The following CGGBP1 variants were observed in gnomAD, a reference collection of about 807,000 sequenced individuals.
CGGBP1 encodes the protein CGG triplet repeat binding protein 1, also known as CGG triplet repeat-binding protein 1.
In CGGBP1, 4 loss-of-function variants were observed where a neutral mutation model predicts 11.4. That is an observed-to-expected ratio of 0.35 (90% CI 0.17 to 0.80). The LOEUF is 0.80. Ranked by LOEUF, CGGBP1 falls within the 30% of genes least tolerant of loss-of-function variation. CGGBP1 has a pLI of 0.52. For missense variants in CGGBP1, 135 were observed against 202.1 expected (o/e 0.67, Z 2.01); for synonymous variants, 76 against 74.1 (o/e 1.03, Z -0.13).
chr3:88,141,671 ATC>A (rs771666001), intron 1 of CGGBP1: 1 of 1,502,124 alleles, frequency 6.7e-7, no homozygotes, highest in Non-Finnish European at 9.0e-7. Context: ...GTTCAGAAAG[ATC>A]TGTCAATCAA....
intron 2 of CGGBP1, among the ~76,000 whole-genome samples, chr3:88,099,783 G>A (rs544516355): frequency 6.6e-4 from 100 of 152,304 alleles, no homozygotes; most frequent in African/African-American, 2.3e-3. Flanking sequence ...GTAGAAAGCT[G>A]AAAATGGGTC....
chr3:88,137,892 G>GATATATAT (rs1338465918), intron 2 of CGGBP1, among the ~76,000 whole-genome samples: 10 of 151,712 alleles, frequency 6.6e-5, no homozygotes, highest in African/African-American at 2.2e-4. Context: ...TAGGCAGTAT[G>GATATATAT]ATATATATAC....
exon 1 of CGGBP1, chr3:88,149,820 T>G (rs1707376693): frequency 1.8e-6 from 1 of 543,856 alleles, no homozygotes; most frequent in South Asian, 2.0e-5. Flanking sequence ...AGCACTTCCC[T>G]TAATTGAGAT....
chr3:88,059,435 G>C, upstream of CGGBP1: 2 of 1,521,888 alleles, frequency 1.3e-6, no homozygotes, highest in South Asian at 2.4e-5. Flanking sequence ...GGCAGAGGCG[G>C]CGCTGGCAGC....
upstream of CGGBP1, among the ~76,000 whole-genome samples, chr3:88,063,024 G>C (rs1706975800): frequency 6.6e-6 from 1 of 152,188 alleles, no homozygotes; most frequent in Non-Finnish European, 1.5e-5. Flanking sequence ...GAATGCTCCT[G>C]GTGAAACACA....
chr3:88,059,431 G>C, upstream of CGGBP1: 1 of 1,525,934 alleles, frequency 6.6e-7, no homozygotes, highest in Non-Finnish European at 8.7e-7. Context: ...CGACGGCAGA[G>C]GCGGCGCTGG....
intron 2 of CGGBP1, among the ~76,000 whole-genome samples, chr3:88,125,823 G>A (rs1303789515): frequency 6.6e-6 from 1 of 152,038 alleles, no homozygotes; most frequent in Admixed American, 6.6e-5. Context: ...AAATTTAACT[G>A]AACATTTAAG....
intron 2 of CGGBP1, among the ~76,000 whole-genome samples, chr3:88,094,727 T>A (rs927097179): frequency 3.3e-5 from 5 of 152,132 alleles, no homozygotes; most frequent in African/African-American, 1.2e-4. Flanking sequence ...TGAATTTTTT[T>A]ATTTTGAATG....
At position 88,054,454 on chromosome 3, in the gene CGGBP1, T is replaced by C. The variant is rs1253470052; in HGVS notation, c.*1019A>G. On this transcript the variant is annotated 3_prime_UTR_variant, in exon 4 of 4. Coordinates refer to ENST00000482016, the MANE Select transcript of CGGBP1 (RefSeq NM_001008390.2). The stretch of plus-strand genomic sequence containing the variant: ...AGAATTTCTAGACAATTGTTTACCA[T>C]CCATGTTAAAAACCTTGTACCACCA... The C allele has an allele frequency of 6.6e-6, 1 of 152,170 alleles. No individual in the cohort carries two copies. The highest frequency in any genetic ancestry group is 2.4e-5 in the African/African-American group (1 of 41,442). 9.4% of individuals were successfully genotyped at this position (152,170 alleles called of 1,614,324 possible).
intron 2 of CGGBP1, among the ~76,000 whole-genome samples, chr3:88,101,532 C>A (rs1021444485): frequency 6.6e-6 from 1 of 152,006 alleles, no homozygotes; most frequent in African/African-American, 2.4e-5. Flanking sequence ...TAGCTCATTT[C>A]TTTTTGTGCT....
At chr3:88,094,452 G>T (rs893093906) in intron 2 of CGGBP1, among the ~76,000 whole-genome samples, 1 of 152,076 alleles carries the variant, frequency 6.6e-6, no homozygotes, top group Non-Finnish European at 1.5e-5. Flanking sequence ...AAAGTGATCA[G>T]GGGAAAAGAA....
At chr3:88,081,534 T>C (rs1708076990) in intron 2 of CGGBP1, among the ~76,000 whole-genome samples, 1 of 152,250 alleles carries the variant, frequency 6.6e-6, no homozygotes, top group Non-Finnish European at 1.5e-5. Flanking sequence ...GTCTCATTGC[T>C]AACATTTATT....
chr3:88,136,266 A>G (rs1249369777), intron 2 of CGGBP1, among the ~76,000 whole-genome samples: 1 of 152,196 alleles, frequency 6.6e-6, no homozygotes, highest in East Asian at 1.9e-4. Flanking sequence ...TTACAGTGTG[A>G]GGTTTTGCCA....
At chr3:88,079,512 A>G (rs1156506690) in intron 2 of CGGBP1, among the ~76,000 whole-genome samples, 1 of 152,046 alleles carries the variant, frequency 6.6e-6, no homozygotes, top group East Asian at 1.9e-4. Context: ...TTTGTTTCAT[A>G]ATGAAGAATT....
At chr3:88,145,532 T>TC in intron 1 of CGGBP1, among the ~76,000 whole-genome samples, 1 of 152,250 alleles carries the variant, frequency 6.6e-6, no homozygotes, top group East Asian at 1.9e-4. Flanking sequence ...AGATAACTTT[T>TC]CATTTTCCTT....
At chr3:88,136,706 G>T (rs777215606) in intron 2 of CGGBP1, among the ~76,000 whole-genome samples, 2 of 152,168 alleles carry the variant, frequency 1.3e-5, no homozygotes, top group Non-Finnish European at 2.9e-5. Flanking sequence ...TGTGTGTTAG[G>T]AGGAGTGGTT....
Position 88,055,833 on chromosome 3 carries a change from C to G in CGGBP1, c.144G>C (p.Val48=), listed in dbSNP as rs373052025. Residue 48 remains valine (V), a synonymous_variant, in exon 4 of 4, where the codon GTG becomes GTC. Coordinates refer to ENST00000482016, the MANE Select transcript of CGGBP1 (RefSeq NM_001008390.2). The surrounding 1 kb of genome is among the most constrained non-coding windows in gnomAD (Gnocchi z 4.2). ...CAGACTTGCGAACATGATTCAGAAC[C>G]ACATTGCAAGAAGTGCAGAAGAGTT... is the stretch of plus-strand genomic sequence containing the variant. The part of the protein sequence containing the change: ...GGKLFCTSCN[V]VLNHVRKSAI... The G allele has an allele frequency of 3.1e-6, 5 of 1,614,046 alleles. No individual in the cohort carries two copies. Among genetic ancestry groups the G allele is most frequent in the Non-Finnish European group, 3.4e-6 (4 of 1,180,032 alleles).
rs1355367382 is a variant in CGGBP1, at chr3:88,094,611, G to C, written c.-228-36388C>G. On this transcript the variant is annotated intron_variant, in intron 2 of 3. Transcript: ENST00000462901. ...GGTCAGTGTGGATATACAAAAATTAGAGCAAAACAGCAGTTGACTACAAGC... is the reference window on the plus strand; with the variant it reads ...GGTCAGTGTGGATATACAAAAATTACAGCAAAACAGCAGTTGACTACAAGC... 3.3e-5 allele frequency among the ~76,000 whole-genome samples: 5 copies of C among 152,208 alleles called. No individual in the cohort carries two copies. In the East Asian group the frequency reaches 9.6e-4, roughly 29 times the overall value.
chr3:88,084,394 A>C (rs1441565585), intron 2 of CGGBP1, among the ~76,000 whole-genome samples: 1 of 152,218 alleles, frequency 6.6e-6, no homozygotes, highest in Non-Finnish European at 1.5e-5. Context: ...GAAAGGCAAT[A>C]AAGCTGGTCA....
Sources: allele counts gnomAD v4.1 joint callset (sites outside exome capture counted in the v4.1 genomes callset), GRCh38; gene constraint gnomAD v4.1.1; non-coding constraint Gnocchi (gnomAD v3.1); transcripts MANE v1.5; gene names NCBI Gene and HGNC (gene_info 2026-07-23, HGNC 2026-07-21).